MAPK4: variants seen among roughly 807,000 people sequenced by gnomAD.
The protein encoded by MAPK4 is Erk3-related.
In MAPK4, 22 loss-of-function variants were observed where a neutral mutation model predicts 47.7. That is an observed-to-expected ratio of 0.46 (90% confidence interval 0.33 to 0.66). The LOEUF (loss-of-function observed/expected upper bound fraction) is 0.66, where lower values mean the gene tolerates loss of function less well. MAPK4 is among the 30% of genes least tolerant of loss of function. MAPK4 has a pLI of 0.02. For synonymous variants in MAPK4, 390 were observed against 365.7 expected, an observed-to-expected ratio of 1.07 and a Z score of -0.76; for missense variants, 736 against 831.7, an observed-to-expected ratio of 0.88 and a Z score of 1.42.
At chr18:50,725,805 G>A (rs1010492283) in intron 4 of MAPK4, among the ~76,000 whole-genome samples, 157 bp from the exon 5 acceptor site, 3 of 152,200 alleles carry the variant, frequency 2.0e-5, no homozygotes, top group Non-Finnish European at 2.9e-5. Flanking sequence ...TTTGTCACTG[G>A]ATTGTGACAA....
At chr18:50,561,991 C>G (rs992527037) in intron 1 of MAPK4, among the ~76,000 whole-genome samples, 1 of 152,150 alleles carries the variant, frequency 6.6e-6, no homozygotes, top group Admixed American at 6.5e-5. Flanking sequence ...TACTGTCATA[C>G]CGTGCTTAAA....
intron 5 of MAPK4, 99 bp from the exon 6 acceptor site, chr18:50,729,059 C>A: frequency 9.7e-7 from 1 of 1,032,498 alleles, no homozygotes; most frequent in Non-Finnish European, 1.4e-6. Context: ...GGGTCGAAGG[C>A]AGGTGTGTGA....
Position 50,584,258 on chromosome 18 carries a change from A to T in MAPK4, c.-871+24015A>T, listed in dbSNP as rs147490849. On this transcript the variant is annotated intron_variant, in intron 1 of 5. Transcript: ENST00000400384. ...AGCCCTTTATGTCTCTTCTCTATTA[A>T]AGAAGAATCACACAGACCTATGGGA... Among the ~76,000 whole-genome samples, 16 of 152,284 alleles carry T rather than the reference A, an allele frequency of 1.1e-4. No homozygotes were observed. In the East Asian group the frequency reaches 3.1e-3, roughly 29 times the overall value.
intron 1 of MAPK4, among the ~76,000 whole-genome samples, chr18:50,611,566 C>T (rs1256080646): frequency 2.0e-5 from 3 of 152,198 alleles, no homozygotes; most frequent in Admixed American, 2.0e-4. Flanking sequence ...TAGGCCCAGG[C>T]CAGAATGTAA....
intron 2 of MAPK4, among the ~76,000 whole-genome samples, chr18:50,666,796 C>G (rs1907625860): frequency 6.6e-6 from 1 of 152,154 alleles, no homozygotes; most frequent in Non-Finnish European, 1.5e-5. Context: ...CCACCTCCTC[C>G]CTCATACACT....
At chr18:50,654,881 G>C (rs2043091133) in intron 1 of MAPK4, among the ~76,000 whole-genome samples, 1 of 152,232 alleles carries the variant, frequency 6.6e-6, no homozygotes, top group African/African-American at 2.4e-5. Context: ...GGCATGGGAA[G>C]GCTTTGTTCT....
At chr18:50,674,715 T>C (rs530325814) in intron 2 of MAPK4, among the ~76,000 whole-genome samples, 2 of 152,200 alleles carry the variant, frequency 1.3e-5, no homozygotes, top group South Asian at 4.1e-4. Context: ...GCAAAGCCGT[T>C]ATCCCCACGT....
chr18:50,668,271 C>T (rs2051308), intron 2 of MAPK4, among the ~76,000 whole-genome samples: 53,282 of 152,062 alleles, frequency 0.35, 9,525 homozygotes, highest in Admixed American at 0.4. Flanking sequence ...AATTCTTATT[C>T]GCCCACCCAG....
intron 2 of MAPK4, among the ~76,000 whole-genome samples, chr18:50,704,237 C>A (rs1020396434): frequency 5.9e-5 from 9 of 152,182 alleles, no homozygotes; most frequent in African/African-American, 1.9e-4. Flanking sequence ...AGGCCAGACA[C>A]GGTGTCTTAT....
chr18:50,604,864 T>A (rs931384822), intron 1 of MAPK4, among the ~76,000 whole-genome samples: 2 of 152,272 alleles, frequency 1.3e-5, no homozygotes, highest in Admixed American at 6.5e-5. Flanking sequence ...CGGTCTGGAC[T>A]CTGACTTGTC....
At chr18:50,658,605 G>A (rs1290913751) in intron 1 of MAPK4, among the ~76,000 whole-genome samples, 1 of 152,242 alleles carries the variant, frequency 6.6e-6, no homozygotes, top group Non-Finnish European at 1.5e-5. Context: ...TCTCCAGCAG[G>A]CTTCTGTTAA....
intron 4 of MAPK4, 67 bp from the exon 5 acceptor site, chr18:50,725,895 G>A: frequency 7.8e-7 from 1 of 1,274,476 alleles, no homozygotes; most frequent in Middle Eastern, 1.8e-4. Flanking sequence ...TCACCGTGCT[G>A]AGGAATCTCC....
intron 1 of MAPK4, among the ~76,000 whole-genome samples, chr18:50,622,739 A>G (rs886266042): frequency 6.6e-6 from 1 of 152,258 alleles, no homozygotes; most frequent in African/African-American, 2.4e-5. Flanking sequence ...TTGTTTAAAG[A>G]ATAATAATGA....
At chr18:50,590,154 T>G (rs2042424833) in intron 1 of MAPK4, among the ~76,000 whole-genome samples, 1 of 152,238 alleles carries the variant, frequency 6.6e-6, no homozygotes, top group African/African-American at 2.4e-5. Flanking sequence ...CCTATCTTGA[T>G]GCCCAGGGCA....
At position 50,664,360 on chromosome 18, in the gene MAPK4, C is replaced by T. The variant is rs575055030; in HGVS notation, c.402C>T (p.Leu134=). Residue 134 remains leucine, a synonymous_variant, in exon 2 of 6, where the codon CTC becomes CTT. Transcript: ENST00000400384. This position sits in a 1 kb window ranked among gnomAD's most constrained non-coding sequence, Gnocchi z 6.0. ...CCAAGCTGTTCATGTACCAGCTGCTCCGCGGGCTCAAGTACATCCACTCCG... is the reference window on the plus strand; with the variant it reads ...CCAAGCTGTTCATGTACCAGCTGCTTCGCGGGCTCAAGTACATCCACTCCG... ...EHAKLFMYQL[L]RGLKYIHSAN... is the part of the protein sequence containing the mutation. The T allele has an allele frequency of 9.9e-6, 16 of 1,613,950 alleles. No homozygotes were observed. In the South Asian group the frequency reaches 1.4e-4, roughly 14 times the overall value.
At chr18:50,699,855 A>G (rs1598927232) in intron 2 of MAPK4, among the ~76,000 whole-genome samples, 3 of 152,210 alleles carry the variant, frequency 2.0e-5, no homozygotes, top group Admixed American at 2.0e-4. Flanking sequence ...TAAAGTCAGG[A>G]CCAGCCAAAA....
At chr18:50,711,188 C>A (rs972801753) in intron 2 of MAPK4, among the ~76,000 whole-genome samples, 7 of 152,228 alleles carry the variant, frequency 4.6e-5, no homozygotes, top group Non-Finnish European at 1.0e-4. Context: ...CCTAATTATG[C>A]TCCTCACAGG....
chr18:50,589,780 C>CT (rs2042421544), intron 1 of MAPK4, among the ~76,000 whole-genome samples: 2 of 152,304 alleles, frequency 1.3e-5, no homozygotes, highest in Admixed American at 1.3e-4. Flanking sequence ...CCTGAGCATG[C>CT]TTTTGTTAGC....
chr18:50,629,265 G>A (rs979865431), intron 1 of MAPK4, among the ~76,000 whole-genome samples: 3 of 152,198 alleles, frequency 2.0e-5, no homozygotes, highest in African/African-American at 7.2e-5. Context: ...AATTCCCCAA[G>A]CGGTAGCAGA....
Sources: allele counts gnomAD v4.1 joint callset (sites outside exome capture counted in the v4.1 genomes callset), GRCh38; gene constraint gnomAD v4.1.1; non-coding constraint Gnocchi (gnomAD v3.1); transcripts MANE v1.5; gene names NCBI Gene and HGNC (gene_info 2026-07-23, HGNC 2026-07-21).